CDH22: variants seen among roughly 807,000 people sequenced by gnomAD.
CDH22 encodes cadherin-22.
A neutral mutation model predicts 58.4 loss-of-function variants in CDH22; 30 were observed. The observed-to-expected ratio is 0.51, with a 90% CI of 0.38 to 0.70. The LOEUF is 0.70. Among genes scored for constraint, CDH22 ranks in the 30% least tolerant of loss-of-function variants. CDH22 has a pLI of 0.00. For synonymous variants in CDH22, 513 were observed against 558.2 expected (o/e 0.92, Z 1.14); for missense variants, 1,014 against 1,233.9 (o/e 0.82, Z 2.67).
rs35585191 is a variant in CDH22 at position 46,178,088 on chromosome 20, G to A, written c.1773C>T (p.Ser591=). ...VVDSGPPTLS[S]TGTLTIRICG... ...AGATGCGGATGGTGAGCGTGCCTGT[G>A]CTGCTCAGTGTGGGCGGCCCACTGT... Residue 591 remains serine (S), a synonymous_variant, in exon 11 of 12, where the codon AGC becomes AGT. Coordinates refer to ENST00000537909, the MANE Select transcript of CDH22 (RefSeq NM_021248.3). The A allele has an allele frequency of 0.11, 176,236 of 1,613,832 alleles. 10,241 individuals are homozygous for A. The highest frequency in any genetic ancestry group is 0.12 in the Non-Finnish European group (143,126 of 1,179,830).
intron 2 of CDH22, among the ~76,000 whole-genome samples, chr20:46,247,197 A>C (rs1332476337): frequency 6.6e-6 from 1 of 152,190 alleles, no homozygotes; most frequent in Non-Finnish European, 1.5e-5. Flanking sequence ...TAACAACATA[A>C]AAGTGAATAC....
chr20:46,190,435 T>C (rs923259501), intron 8 of CDH22, among the ~76,000 whole-genome samples: 2 of 152,220 alleles, frequency 1.3e-5, no homozygotes, highest in African/African-American at 4.8e-5. Context: ...ATTTGTCCAT[T>C]CAGTGGCAGC....
At chr20:46,223,681 C>CTT (rs1475751648) in intron 4 of CDH22, among the ~76,000 whole-genome samples, 1 of 65,934 alleles carries the variant, frequency 1.5e-5, no homozygotes, top group African/African-American at 5.8e-5. Flanking sequence ...TTCTTTCTTT[C>CTT]TTTCTTTCTT....
At chr20:46,282,398 A>G (rs2086555018) in intron 1 of CDH22, among the ~76,000 whole-genome samples, 1 of 152,130 alleles carries the variant, frequency 6.6e-6, no homozygotes, top group African/African-American at 2.4e-5. Flanking sequence ...TCGCTTCCTT[A>G]TTTATTACCT....
chr20:46,307,586 T>C (rs992925612), intron 1 of CDH22, among the ~76,000 whole-genome samples: 3 of 152,010 alleles, frequency 2.0e-5, no homozygotes, highest in Non-Finnish European at 2.9e-5. Flanking sequence ...CCGACGGCCA[T>C]AGGGCAGGGG....
At chr20:46,253,724 C>T (rs1291026332) in intron 1 of CDH22, among the ~76,000 whole-genome samples, 1 of 152,156 alleles carries the variant, frequency 6.6e-6, no homozygotes, top group Non-Finnish European at 1.5e-5. Context: ...GTATGGCTTC[C>T]CTGCGTGCCC....
At chr20:46,277,649 G>A (rs1428167489) in intron 1 of CDH22, among the ~76,000 whole-genome samples, 1 of 152,036 alleles carries the variant, frequency 6.6e-6, no homozygotes, top group African/African-American at 2.4e-5. Flanking sequence ...AGAGGGGGGT[G>A]AGTTTGGAGG....
chr20:46,261,646 G>A (rs1487830330), intron 1 of CDH22, among the ~76,000 whole-genome samples: 2 of 152,178 alleles, frequency 1.3e-5, no homozygotes, highest in East Asian at 1.9e-4. Context: ...GTGCCTGACA[G>A]TCTGGCTCCT....
chr20:46,292,324 C>G (rs535709981), intron 1 of CDH22, among the ~76,000 whole-genome samples: 24 of 152,362 alleles, frequency 1.6e-4, no homozygotes, highest in African/African-American at 5.0e-4. Flanking sequence ...TGCTCTCCAG[C>G]TGAGCTGAGG....
chr20:46,174,620 G>A lies in CDH22; in HGVS notation c.2373C>T (p.Gly791=). 6 of 1,545,220 alleles carry A rather than the reference G, an allele frequency of 3.9e-6. No homozygotes were observed. Among genetic ancestry groups the A allele is most frequent in the Non-Finnish European group, 3.5e-6 (4 of 1,150,310 alleles). The change falls in exon 12 of 12, where the codon GGC becomes GGT. Residue 791 remains glycine, a synonymous_variant. Transcript: ENST00000537909. This position sits in a 1 kb window ranked among gnomAD's most constrained non-coding sequence, Gnocchi z 4.4. ...CGAAGTCCTGCTCGGAGCCCGACGA[G>A]CCGCTGTGCAGGGAGCTGAGCGAGG... ...PAASLSSLHS[G]SSGSEQDFAY...
At chr20:46,225,220 T>C (rs2086162615) in intron 4 of CDH22, among the ~76,000 whole-genome samples, 1 of 152,210 alleles carries the variant, frequency 6.6e-6, no homozygotes, top group African/African-American at 2.4e-5. Context: ...TCCTGAAAAT[T>C]ATCCTGCAGA....
intron 7 of CDH22, among the ~76,000 whole-genome samples, chr20:46,200,670 A>T (rs2085953398): frequency 6.6e-6 from 1 of 152,180 alleles, no homozygotes; most frequent in Admixed American, 6.5e-5. Context: ...CAGGGGAAAC[A>T]GAAGGTGCAA....
At chr20:46,292,069 C>T (rs1015005982) in intron 1 of CDH22, among the ~76,000 whole-genome samples, 12 of 152,196 alleles carry the variant, frequency 7.9e-5, no homozygotes, top group Admixed American at 1.3e-4. Context: ...GGAGGATCCT[C>T]CTATGACATA....
chr20:46,305,805 G>A (rs577738477), intron 1 of CDH22, among the ~76,000 whole-genome samples: 86 of 152,342 alleles, frequency 5.6e-4, no homozygotes, highest in Non-Finnish European at 9.8e-4. Flanking sequence ...GGGAGGAGAC[G>A]GGCCCTCCTG....
intron 4 of CDH22, among the ~76,000 whole-genome samples, chr20:46,223,727 C>CTT (rs144964967): frequency 3.0e-4 from 34 of 111,934 alleles, no homozygotes; most frequent in Non-Finnish European, 4.7e-4. Context: ...TTCTTTCTTT[C>CTT]TCTTTCTTTC....
chr20:46,284,120 T>C (rs2086563881), intron 1 of CDH22, among the ~76,000 whole-genome samples: 1 of 151,914 alleles, frequency 6.6e-6, no homozygotes, highest in African/African-American at 2.4e-5. Context: ...GAAAATGGAT[T>C]TTGTAGTGAC....
intron 7 of CDH22, among the ~76,000 whole-genome samples, chr20:46,208,096 G>A (rs1346086117): frequency 6.6e-6 from 1 of 152,202 alleles, no homozygotes; most frequent in Admixed American, 6.5e-5. Flanking sequence ...GCCCAGCACA[G>A]GGCTAGGCTC....
At chr20:46,245,852 C>T (rs534542388) in intron 2 of CDH22, among the ~76,000 whole-genome samples, 9 of 152,246 alleles carry the variant, frequency 5.9e-5, no homozygotes, top group South Asian at 4.2e-4. Flanking sequence ...CTTACTCTCT[C>T]CCCGTCGTGT....
At chr20:46,294,138 T>C (rs1206057756) in intron 1 of CDH22, among the ~76,000 whole-genome samples, 1 of 152,204 alleles carries the variant, frequency 6.6e-6, no homozygotes, top group African/African-American at 2.4e-5. Flanking sequence ...GGCAGCTTTA[T>C]GGTTTATGCA....
Sources: gnomAD v4.1 joint callset for allele counts (sites outside exome capture counted in the v4.1 genomes callset) on GRCh38, gnomAD v4.1.1 for gene constraint, Gnocchi (gnomAD v3.1) non-coding constraint, MANE v1.5 for transcripts, NCBI Gene and HGNC (gene_info 2026-07-23, HGNC 2026-07-21) for gene names.